Variants in SON observed in about 807,000 individuals in gnomAD.
The protein encoded by SON is protein SON.
A neutral mutation model predicts 173.3 loss-of-function variants in SON; 4 were observed. The observed-to-expected ratio is 0.02, with a 90% CI of 0.01 to 0.05. SON has a LOEUF of 0.05. Ranked by LOEUF, SON falls within the 10% of genes least tolerant of loss-of-function variation. The pLI is 1.00. For synonymous variants in SON, 1,190 were observed against 1,105.9 expected (o/e 1.08, Z -1.51); for missense variants, 2,626 against 3,055.3 (o/e 0.86, Z 3.31).
chr21:33,554,220 T>C lies in SON; in HGVS notation c.4989T>C (p.Asp1663=). The change falls in exon 3 of 12, where the codon GAT becomes GAC. Residue 1663 remains aspartate (D), a synonymous_variant. Coordinates refer to ENST00000356577, the MANE Select transcript of SON (RefSeq NM_138927.4). ...TTGAAGGGCCTTTGCCTGCTAAAGA[T>C]ATTCATCTTGATTTACCATCTAATA... is the stretch of plus-strand genomic sequence containing the variant. ...ADIEGPLPAK[D]IHLDLPSNNN... 6.2e-7 allele frequency: 1 copy of C among 1,614,190 alleles called. No homozygotes were observed. The highest frequency in any genetic ancestry group is 8.5e-7 in the Non-Finnish European group (1 of 1,179,996).
rs191819414 is a variant in SON, at chr21:33,571,658, A to G, written c.6886-1650A>G. The G allele has an allele frequency of 2.8e-3, 423 of 152,778 alleles. 1 individual carries two copies. Among genetic ancestry groups the G allele is most frequent in the Non-Finnish European group, 4.7e-3 (323 of 68,040 alleles). 9.5% of individuals were successfully genotyped at this position (152,778 alleles called of 1,614,324 possible). On this transcript the variant is annotated intron_variant, in intron 8 of 11. Transcript: ENST00000356577. ...AGCTTTTTCACACTGGGGTAAAGAA[A>G]CAGATGATGATACTAGGGAATGGAA...
chr21:33,554,147 A>G lies in SON; in HGVS notation c.4916A>G (p.His1639Arg). The G allele has an allele frequency of 6.2e-7, 1 of 1,614,176 alleles. No individual in the cohort carries two copies. The highest frequency in any genetic ancestry group is 8.5e-7 in the Non-Finnish European group (1 of 1,180,014). Residue 1639 changes from histidine to arginine, a missense_variant, in exon 3 of 12, where the codon CAT (histidine) becomes CGT (arginine). By Grantham distance (29) the His-to-Arg change is conservative. Transcript: ENST00000356577. ...TCTTTAACTACTCAAGATACTGAAC[A>G]TGACATGGTAATTTCCACCAGTCCT... ...DLSLTTQDTEHDMVISTSPSG... is the reference protein window; with the variant it reads ...DLSLTTQDTERDMVISTSPSG...
At position 33,568,994 on chromosome 21, in the gene SON, C is replaced by T. The variant is rs766984634; in HGVS notation, c.6792C>T (p.Asn2264=). 1 of 1,611,114 alleles carries T rather than the reference C, an allele frequency of 6.2e-7. No homozygotes were observed. Among genetic ancestry groups the T allele is most frequent in the South Asian group, 1.1e-5 (1 of 90,882 alleles). ...AGATTGATGCCTGGGCTCAGCTGAA[C>T]TCTATTCCTGGCCAGTTCACAGGAA... The part of the protein sequence containing the change: ...QERIDAWAQL[N]SIPGQFTGST... Residue 2264 remains asparagine, a synonymous_variant, in exon 8 of 12, where the codon AAC becomes AAT. Transcript: ENST00000356577.
chr21:33,567,033 AAGATTATTAGTATTATAAGACTATT>A (rs1412539351), intron 6 of SON, 99 bp from the exon 7 acceptor site: 1 of 518,320 alleles, frequency 1.9e-6, no homozygotes, highest in East Asian at 2.9e-5. Flanking sequence ...CCTGTTTTCC[AAGATTATTAGTATTATAAGACTATT>A]ATTTTGTTTT....
Position 33,553,569 on chromosome 21 carries a change from A to G in SON, c.4338A>G (p.Thr1446=). Residue 1446 remains threonine, a synonymous_variant, in exon 3 of 12, where the codon ACA becomes ACG. Transcript: ENST00000356577. ...PSVSVQESTV[T]VSEPAVTVSE... ...TTTCTGTCCAGGAATCGACTGTGAC[A>G]GTTTCAGAGCCTGCTGTCACAGTCT... 1.2e-6 allele frequency: 2 copies of G among 1,614,212 alleles called. No homozygotes were observed. The highest frequency in any genetic ancestry group is 1.7e-6 in the Non-Finnish European group (2 of 1,180,042).
In SON at chr21:33,543,101, C is replaced by A. The variant is rs150788122; in HGVS notation, c.9C>A (p.Thr3=). Residue 3 remains threonine, a synonymous_variant, in exon 1 of 12, where the codon ACC becomes ACA. Coordinates refer to ENST00000356577, the MANE Select transcript of SON (RefSeq NM_138927.4). ...AGAACGGAGCGGACGCCATGGCGAC[C>A]AACATCGAGCAGATTTTTAGGTCTT... is the stretch of plus-strand genomic sequence containing the variant. MA[T]NIEQIFRSFV... is the part of the protein sequence containing the mutation. 6.2e-7 allele frequency: 1 copy of A among 1,614,230 alleles called. No homozygotes were observed. Among genetic ancestry groups the A allele is most frequent in the South Asian group, 1.1e-5 (1 of 91,088 alleles).
At chr21:33,568,941 T>C in intron 7 of SON, 30 bp from the exon 8 acceptor site, 1 of 1,314,532 alleles carries the variant, frequency 7.6e-7, no homozygotes, top group Non-Finnish European at 1.1e-6. Flanking sequence ...TAATTTTACT[T>C]AGTTAACTGA....
intron 7 of SON, among the ~76,000 whole-genome samples, chr21:33,568,090 C>A (rs923733614): frequency 1.3e-5 from 2 of 152,190 alleles, no homozygotes; most frequent in African/African-American, 2.4e-5. Flanking sequence ...ACAGGAAATA[C>A]ATTGCTGACA....
intron 8 of SON, among the ~76,000 whole-genome samples, chr21:33,571,269 T>G (rs1183816974): frequency 1.3e-5 from 2 of 152,206 alleles, no homozygotes; most frequent in South Asian, 2.1e-4. Context: ...CATGTAGAAG[T>G]CATTAGGCAG....
rs2086027262 is a variant in SON at position 33,559,354 on chromosome 21, A to G, written c.6446A>G (p.Lys2149Arg). ...CATCCCTTTAAACTCAGTGAACCCA[A>G]ACCTATTTTTTTCAATCTGAATGTG... ...YHHPFKLSEP[K>R]PIFFNLNIAA... is the part of the protein sequence containing the mutation. The change falls in exon 5 of 12, where the codon AAA becomes AGA. Residue 2149 changes from lysine to arginine, a missense_variant. Physicochemically the swap from Lys to Arg is conservative, Grantham distance 26. Coordinates refer to ENST00000356577, the MANE Select transcript of SON (RefSeq NM_138927.4). This position sits in a 1 kb window ranked among gnomAD's most constrained non-coding sequence, Gnocchi z 4.1. The G allele has an allele frequency of 6.2e-7, 1 of 1,609,588 alleles. No homozygotes were observed.
rs1012673653 is a variant in SON, at chr21:33,552,577, T to A, written c.3346T>A (p.Ser1116Thr). Reference protein sequence around the residue: ...SYSAADRSMMSSYTADRSMMS... With the variant: ...SYSAADRSMMTSYTADRSMMS... ...CTCTGCAGCTGACCGATCTATGATG[T>A]CATCTTATACTGCTGATCGTTCAAT... The change falls in exon 3 of 12, where the codon TCA (serine) becomes ACA (threonine). Residue 1116 changes from serine (S) to threonine (T), a missense_variant. By Grantham distance (58) the Ser-to-Thr change is moderately conservative. This residue lies in a region of SON where 366 missense variants were observed against 448.6 expected (regional missense o/e 0.82). Coordinates refer to ENST00000356577, the MANE Select transcript of SON (RefSeq NM_138927.4). This position sits in a 1 kb window ranked among gnomAD's most constrained non-coding sequence, Gnocchi z 5.6. 3 of 1,614,036 alleles carry A rather than the reference T, an allele frequency of 1.9e-6. No individual in the cohort carries two copies. Among genetic ancestry groups the A allele is most frequent in the Non-Finnish European group, 1.7e-6 (2 of 1,180,022 alleles).
Position 33,563,176 on chromosome 21 carries a change from C to T in SON, c.6657+3401C>T, listed in dbSNP as rs142106809. Among the ~76,000 whole-genome samples the T allele has an allele frequency of 1.1e-4, 16 of 152,212 alleles. No individual in the cohort carries two copies. In the East Asian group the frequency reaches 3.1e-3, roughly 29 times the overall value. On this transcript the variant is annotated intron_variant, in intron 6 of 11. Coordinates refer to ENST00000356577, the MANE Select transcript of SON (RefSeq NM_138927.4). ...ATACAGCCTTGTTATTCTTTCCTTCCTAGATTCTCTTATGTGGTTAACGCT... is the reference window on the plus strand; with the variant it reads ...ATACAGCCTTGTTATTCTTTCCTTCTTAGATTCTCTTATGTGGTTAACGCT...
Position 33,554,472 on chromosome 21 carries a change from C to T in SON, c.5241C>T (p.Ser1747=), listed in dbSNP as rs2085909747. Residue 1747 remains serine (S), a synonymous_variant, in exon 3 of 12, where the codon AGC becomes AGT. Coordinates refer to ENST00000356577, the MANE Select transcript of SON (RefSeq NM_138927.4). ...LLPKDMERLT[S]LRAGIEGPLL... ...CTAAGGACATGGAACGTCTTACAAG[C>T]CTTAGAGCTGGCATTGAAGGACCTT... The T allele has an allele frequency of 1.2e-6, 2 of 1,614,128 alleles. No individual in the cohort carries two copies. The highest frequency in any genetic ancestry group is 1.7e-6 in the Non-Finnish European group (2 of 1,180,024).
intron 3 of SON, 60 bp downstream of exon 3, chr21:33,555,451 T>TA: frequency 2.1e-6 from 3 of 1,429,004 alleles, no homozygotes; most frequent in Non-Finnish European, 2.8e-6. Flanking sequence ...CTTAATTTTT[T>TA]TCTGACCTTG....
At chr21:33,544,405 T>A (rs902296857) in intron 1 of SON, among the ~76,000 whole-genome samples, 1 of 152,248 alleles carries the variant, frequency 6.6e-6, no homozygotes, top group Non-Finnish European at 1.5e-5. Context: ...AGTTGTTTGC[T>A]TAGTTTAACG....
At position 33,575,581 on chromosome 21, in the gene SON, A is replaced by C. The variant is rs200854611; in HGVS notation, c.7034-15A>C. The C allele has an allele frequency of 1.9e-5, 30 of 1,599,270 alleles. 1 individual carries two copies. In the East Asian group the frequency reaches 4.9e-4, roughly 26 times the overall value. ...GTGCTTTGAAATTTATTTAGTGAAC[A>C]ATTTTTTTTTAAAGGTCTTGTTGCA... On this transcript the variant is annotated splice_polypyrimidine_tract_variant and intron_variant, in intron 9 of 11. Coordinates refer to ENST00000356577, the MANE Select transcript of SON (RefSeq NM_138927.4).
chr21:33,562,842 A>G (rs1214592544), intron 6 of SON, among the ~76,000 whole-genome samples: 1 of 152,182 alleles, frequency 6.6e-6, no homozygotes, highest in Admixed American at 6.5e-5. Context: ...TTAGGATGTA[A>G]TCTTTGACAT....
chr21:33,563,878 A>T (rs185094364), intron 6 of SON, among the ~76,000 whole-genome samples: 1 of 152,148 alleles, frequency 6.6e-6, no homozygotes, highest in Non-Finnish European at 1.5e-5. Context: ...TGAGGGAGAG[A>T]GAGTGAAGAA....
rs766365208 is a variant in SON, at chr21:33,551,910, C to T, written c.2679C>T (p.Ala893=). Residue 893 remains alanine (A), a synonymous_variant, in exon 3 of 12, where the codon GCC becomes GCT. Transcript: ENST00000356577. ...AQMLASGTMD[A]QMLASSTQDS... is the part of the protein sequence containing the mutation. ...TGTTAGCGTCTGGTACCATGGATGC[C>T]CAGATGTTAGCGTCTAGTACCCAAG... 3.1e-6 allele frequency: 5 copies of T among 1,614,000 alleles called. No individual in the cohort carries two copies. The South Asian group carries it at 3.3e-5, about 11-fold the overall frequency.
Sources: gnomAD v4.1 joint callset for allele counts (sites outside exome capture counted in the v4.1 genomes callset) on GRCh38, gnomAD v4.1.1 for gene constraint, gnomAD v4.1.1 regional missense constraint, Gnocchi (gnomAD v3.1) non-coding constraint, MANE v1.5 for transcripts, NCBI Gene and HGNC (gene_info 2026-07-23, HGNC 2026-07-21) for gene names.